LINGO2: variants seen among roughly 807,000 people sequenced by gnomAD.
LINGO2 encodes the protein leucine rich repeat and Ig domain containing 2, also known as leucine-rich repeat and immunoglobulin-like domain-containing nogo receptor-interacting protein 2.
A neutral mutation model predicts 30.6 loss-of-function variants in LINGO2; 14 were observed. That is an observed-to-expected ratio of 0.46 (90% confidence interval 0.30 to 0.72). The LOEUF is 0.72. Ranked by LOEUF, LINGO2 falls within the 30% of genes least tolerant of loss-of-function variation. LINGO2 has a pLI of 0.07. For missense variants in LINGO2, 729 were observed against 751.7 expected (o/e 0.97, Z 0.35); for synonymous variants, 317 against 288.5 (o/e 1.10, Z -1.00).
At chr9:29,074,748 C>G in the LINGO2 span, among the ~76,000 whole-genome samples, 1 of 139,232 alleles carries the variant, frequency 7.2e-6, no homozygotes, top group Admixed American at 7.6e-5. Flanking sequence ...GGCAGTGGCG[C>G]AATCTCAGCT....
chr9:28,148,945 C>A lies in LINGO2; in HGVS notation c.-86-136540G>T. ...CTTCTCCACACAGAGCTGCCGGCCACAGTTCCCACAAAAGAAAACTGTCGG... is the reference window on the plus strand; with the variant it reads ...CTTCTCCACACAGAGCTGCCGGCCAAAGTTCCCACAAAAGAAAACTGTCGG... On this transcript the variant is annotated intron_variant, in intron 4 of 5. Coordinates refer to ENST00000379992, the Ensembl canonical transcript of LINGO2. This position sits in a 1 kb window ranked among gnomAD's most constrained non-coding sequence, Gnocchi z 5.1. The A allele has an allele frequency of 2.6e-6, 4 of 1,534,030 alleles. No homozygotes were observed. The highest frequency in any genetic ancestry group is 1.4e-5 in the African/African-American group (1 of 73,104).
At chr9:28,388,003 G>A (rs184470750) in intron 2 of LINGO2, among the ~76,000 whole-genome samples, 254 of 152,200 alleles carry the variant, frequency 1.7e-3, no homozygotes, top group African/African-American at 5.3e-3. Context: ...ACAGCATGCC[G>A]ATCACTTTTA....
At chr9:28,040,091 A>G (rs1824128392) in intron 4 of LINGO2, among the ~76,000 whole-genome samples, 1 of 152,190 alleles carries the variant, frequency 6.6e-6, no homozygotes, top group Non-Finnish European at 1.5e-5. Flanking sequence ...CTTTCACTGC[A>G]TTTTGACTAT....
rs893258196 is a variant in LINGO2 at position 28,129,048 on chromosome 9, A to G, written c.-86-116643T>C. Among the ~76,000 whole-genome samples the G allele has an allele frequency of 6.6e-6, 1 of 152,224 alleles. No individual in the cohort carries two copies. ...TTCCTGGCCTGAAACATCAGACTCC[A>G]AGTTCTTTGACTTTCGGAGTCTTGG... On this transcript the variant is annotated intron_variant, in intron 4 of 5. Coordinates refer to ENST00000379992, the Ensembl canonical transcript of LINGO2. This position sits in a 1 kb window ranked among gnomAD's most constrained non-coding sequence, Gnocchi z 4.0.
the LINGO2 span, among the ~76,000 whole-genome samples, chr9:28,929,232 G>A: frequency 6.6e-6 from 1 of 152,224 alleles, no homozygotes; most frequent in African/African-American, 2.4e-5. Flanking sequence ...ACACAGTAGA[G>A]AGTGAGTTTA....
intron 3 of LINGO2, among the ~76,000 whole-genome samples, chr9:28,334,221 C>T (rs532570648): frequency 6.6e-6 from 1 of 152,152 alleles, no homozygotes; most frequent in Non-Finnish European, 1.5e-5. Context: ...AGCTTTCAAT[C>T]TTATAAGCAA....
At chr9:28,747,006 TG>T in the LINGO2 span, among the ~76,000 whole-genome samples, 1 of 151,730 alleles carries the variant, frequency 6.6e-6, no homozygotes, top group African/African-American at 2.4e-5. Context: ...AAGAAGAGGG[TG>T]GTTCCCCAGG....
intron 5 of LINGO2, among the ~76,000 whole-genome samples, chr9:27,983,047 T>C (rs1171181646): frequency 6.6e-6 from 1 of 151,802 alleles, no homozygotes; most frequent in Non-Finnish European, 1.5e-5. Flanking sequence ...ACATATAATA[T>C]GGAAAAATAA....
At chr9:27,960,286 T>G (rs568235956) in intron 5 of LINGO2, among the ~76,000 whole-genome samples, 1 of 152,314 alleles carries the variant, frequency 6.6e-6, no homozygotes, top group South Asian at 2.1e-4. Context: ...GCTGAAACTA[T>G]TTTCAAATAA....
At chr9:29,140,441 G>A in the LINGO2 span, among the ~76,000 whole-genome samples, 1 of 151,648 alleles carries the variant, frequency 6.6e-6, no homozygotes, top group African/African-American at 2.4e-5. Flanking sequence ...GGATCAAGCA[G>A]AAGAAAGAAG....
chr9:28,413,385 A>C (rs1270030394), intron 2 of LINGO2, among the ~76,000 whole-genome samples: 1 of 152,116 alleles, frequency 6.6e-6, no homozygotes, highest in Non-Finnish European at 1.5e-5. Context: ...ATTGTATGCT[A>C]CCTGTTCCTC....
intron 4 of LINGO2, among the ~76,000 whole-genome samples, chr9:28,107,625 G>T (rs1826635040): frequency 6.6e-6 from 1 of 152,132 alleles, no homozygotes. Flanking sequence ...TTATAGGACA[G>T]AGTATTTCTT....
chr9:28,155,143 T>C (rs1262003220), intron 4 of LINGO2, among the ~76,000 whole-genome samples: 1 of 152,198 alleles, frequency 6.6e-6, no homozygotes, highest in East Asian at 1.9e-4. Flanking sequence ...GCTTTCCACC[T>C]TTGGGAAAAC....
intron 2 of LINGO2, among the ~76,000 whole-genome samples, chr9:28,388,384 G>T (rs1402464380): frequency 6.6e-6 from 1 of 152,076 alleles, no homozygotes; most frequent in African/African-American, 2.4e-5. Flanking sequence ...GTTCACCCCT[G>T]TGTCTCCTGA....
the LINGO2 span, among the ~76,000 whole-genome samples, chr9:29,081,976 A>T: frequency 1.3e-5 from 2 of 152,234 alleles, no homozygotes; most frequent in Non-Finnish European, 1.5e-5. Flanking sequence ...GTAGGAAGAA[A>T]CAATATCGTG....
intron 4 of LINGO2, among the ~76,000 whole-genome samples, chr9:28,119,912 A>G (rs1563986038): frequency 6.6e-6 from 1 of 152,298 alleles, no homozygotes; most frequent in Admixed American, 6.5e-5. Context: ...ACTATAATTA[A>G]TTTATTTCAC....
At chr9:28,351,283 A>G (rs1468412635) in intron 3 of LINGO2, among the ~76,000 whole-genome samples, 2 of 145,090 alleles carry the variant, frequency 1.4e-5, no homozygotes, top group African/African-American at 5.1e-5. Flanking sequence ...AGAGAGAAGA[A>G]TCAAATAGAC....
intron 1 of LINGO2, among the ~76,000 whole-genome samples, chr9:28,498,325 C>T (rs558463927): frequency 6.6e-6 from 1 of 152,280 alleles, no homozygotes; most frequent in Admixed American, 6.5e-5. Context: ...GCTTCCTGGC[C>T]ACTTTGTTTA....
At chr9:28,452,830 A>G (rs1193296846) in intron 2 of LINGO2, among the ~76,000 whole-genome samples, 1 of 151,868 alleles carries the variant, frequency 6.6e-6, no homozygotes, top group Non-Finnish European at 1.5e-5. Context: ...GAGGTGTGGA[A>G]AAAGTGAAAT....
Sources: allele counts gnomAD v4.1 joint callset (sites outside exome capture counted in the v4.1 genomes callset), GRCh38; gene constraint gnomAD v4.1.1; non-coding constraint Gnocchi (gnomAD v3.1); transcripts MANE v1.5; gene names NCBI Gene and HGNC (gene_info 2026-07-23, HGNC 2026-07-21).